The following NBPF9 variants were observed in gnomAD, a reference collection of about 807,000 sequenced individuals.
NBPF9 encodes the protein NBPF member 9.
NBPF9 carries 91 observed loss-of-function variants against 97.8 expected under a neutral mutation model. That is an observed-to-expected ratio of 0.93 (90% CI 0.79 to 1.11). The LOEUF is 1.11. NBPF9 is among the 50% of genes least tolerant of loss of function. The probability of loss-of-function intolerance (pLI) is 0.00; values close to 1 mark genes in which losing one functional copy is unlikely to be tolerated. For missense variants in NBPF9, 992 were observed against 939.5 expected (o/e 1.06, Z -0.73); for synonymous variants, 334 against 359.5 (o/e 0.93, Z 0.80).
chr1:149,099,605 A>G (rs1559547993), intron 3 of NBPF9, among the ~76,000 whole-genome samples: 1 of 150,588 alleles, frequency 6.6e-6, no homozygotes, highest in Non-Finnish European at 1.5e-5. Context: ...AATAATCATA[A>G]TAACAACAAT....
At chr1:149,103,201 C>T (rs1370851729) in intron 1 of NBPF9, 100 bp downstream of exon 1, 3 of 150,912 alleles carry the variant, frequency 2.0e-5, no homozygotes, top group Non-Finnish European at 3.0e-5. Flanking sequence ...CCTCGCCCTC[C>T]GTCGCTCGCA....
At chr1:149,081,561 G>A (rs797040993) in intron 7 of NBPF9, among the ~76,000 whole-genome samples, 6 of 151,976 alleles carry the variant, frequency 3.9e-5, no homozygotes, top group African/African-American at 1.2e-4. Context: ...TTGCCTCTTG[G>A]GCCTCAACGG....
At chr1:149,062,330 G>C in intron 21 of NBPF9, 65 bp from the exon 22 acceptor site, 1 of 615,926 alleles carries the variant, frequency 1.6e-6, no homozygotes, top group Non-Finnish European at 2.9e-6. Context: ...GCCCCAGCTA[G>C]ATTTCATGGC....
intron 3 of NBPF9, among the ~76,000 whole-genome samples, chr1:149,100,055 C>T (rs587677909): frequency 5.6e-5 from 8 of 144,076 alleles, no homozygotes; most frequent in African/African-American, 1.5e-4. Context: ...CATCATATCA[C>T]GTCGGCCCTT....
intron 5 of NBPF9, among the ~76,000 whole-genome samples, chr1:149,082,747 A>G (rs868945011): frequency 4.4e-4 from 65 of 148,464 alleles, no homozygotes; most frequent in Middle Eastern, 6.8e-3. Flanking sequence ...CATAAATAAA[A>G]AAATGGAATC....
intron 4 of NBPF9, among the ~76,000 whole-genome samples, chr1:149,096,009 A>G: frequency 6.6e-6 from 1 of 152,042 alleles, no homozygotes; most frequent in Middle Eastern, 3.4e-3. Flanking sequence ...TAGCCATACA[A>G]TGAAATCTGA....
chr1:149,071,000 C>T (rs782298719), exon 16 of NBPF9: 5 of 1,612,258 alleles, frequency 3.1e-6, no homozygotes, highest in Middle Eastern at 2.1e-4. Flanking sequence ...GTTGAGTCGA[C>T]TTTGTCTTCC....
chr1:149,068,025 C>A (rs2079142032), intron 17 of NBPF9, among the ~76,000 whole-genome samples: 1 of 146,192 alleles, frequency 6.8e-6, no homozygotes, highest in Non-Finnish European at 1.5e-5. Flanking sequence ...TCCAGCCAAA[C>A]AAAGCTTCAT....
At chr1:149,097,886 C>A (rs1353350976) in intron 4 of NBPF9, among the ~76,000 whole-genome samples, 2 of 152,056 alleles carry the variant, frequency 1.3e-5, no homozygotes, top group Non-Finnish European at 2.9e-5. Context: ...GAGATGGGAA[C>A]GGCCTTCAAA....
At chr1:149,069,791 T>A (rs782411450) in intron 16 of NBPF9, 146 bp from the exon 17 acceptor site, 13 of 595,008 alleles carry the variant, frequency 2.2e-5, no homozygotes, top group Admixed American at 9.0e-5. Context: ...GTGTCCTAGA[T>A]TAACTTTGGT....
intron 18 of NBPF9, chr1:149,064,911 A>C: frequency 1.9e-6 from 1 of 528,438 alleles, no homozygotes; most frequent in Non-Finnish European, 3.3e-6. Context: ...CTTGAGTCAA[A>C]ATGTAACTTG....
At position 149,064,956 on chromosome 1, in the gene NBPF9, G is replaced by C. The variant is rs587602753; in HGVS notation, c.1802-474C>G. ...AGTAGCATCAGCTATTATGGCTTTT[G>C]TGGGTGAAAAGTCAGCCATTTATCT... On this transcript the variant is annotated intron_variant, in intron 18 of 29. Transcript: ENST00000584027. 1,138 of 532,822 alleles carry C rather than the reference G, an allele frequency of 2.1e-3. 3 individuals are homozygous for C. Among genetic ancestry groups the C allele is most frequent in the Non-Finnish European group, 2.7e-3 (822 of 299,512 alleles). The allele number at this position is 532,822 out of a possible 1,614,324, so 33.0% of individuals were successfully genotyped here. A position where few individuals can be genotyped will look rare whatever the true frequency, so the allele number is the denominator to read the frequency against.
At position 149,075,680 on chromosome 1, in the gene NBPF9, G is replaced by T; in HGVS notation, c.963C>A (p.Phe321Leu). 2.5e-6 allele frequency: 4 copies of T among 1,610,706 alleles called. No individual in the cohort carries two copies. The South Asian group carries it at 4.4e-5, about 18-fold the overall frequency. The stretch of plus-strand genomic sequence containing the variant: ...TGTATTTGTTCTGCTGGTTGGCCAG[G>T]AAGCCGGCCAGTTGAGTTAGAAAAC... The change falls in exon 12 of 30, where the codon TTC becomes TTA. Residue 321 changes from phenylalanine to leucine, a missense_variant. Transcript: ENST00000584027.
intron 18 of NBPF9, chr1:149,064,914 G>A: frequency 1.9e-6 from 1 of 529,388 alleles, no homozygotes; most frequent in South Asian, 2.2e-5. Flanking sequence ...GAGTCAAAAT[G>A]TAACTTGGTT....
intron 11 of NBPF9, among the ~76,000 whole-genome samples, chr1:149,076,505 A>ATT (rs587753430): frequency 2.4e-5 from 3 of 122,942 alleles, no homozygotes; most frequent in Admixed American, 8.2e-5. Context: ...CAGAGACTTT[A>ATT]TTTTTTTTTT....
intron 12 of NBPF9, among the ~76,000 whole-genome samples, chr1:149,074,184 C>G (rs4125380): frequency 6.6e-6 from 1 of 151,490 alleles, no homozygotes; most frequent in Non-Finnish European, 1.5e-5. Context: ...CTTTCCCAAG[C>G]TTTGCAGCCT....
At chr1:149,076,544 C>T (rs1450015653) in intron 11 of NBPF9, among the ~76,000 whole-genome samples, 1 of 148,052 alleles carries the variant, frequency 6.8e-6, no homozygotes, top group African/African-American at 2.5e-5. Flanking sequence ...GCTCTGTCTC[C>T]CAGGCTGGAG....
chr1:149,068,312 G>A (rs1553652209), intron 17 of NBPF9, among the ~76,000 whole-genome samples: 5 of 150,942 alleles, frequency 3.3e-5, no homozygotes, highest in African/African-American at 1.2e-4. Flanking sequence ...AAATGCCCCA[G>A]TTAAAAAACA....
chr1:149,069,708 C>A lies in NBPF9; in HGVS notation c.1586-63G>T, dbSNP rs1575834919. On this transcript the variant is annotated intron_variant, in intron 16 of 29. Coordinates refer to ENST00000584027, the Ensembl canonical transcript of NBPF9. ...ATTCATACTTCACATATGAACAAAT[C>A]ACTGTCCAGTCATAGCCAAGGACAT... is the stretch of plus-strand genomic sequence containing the variant. 12 of 869,948 alleles carry A rather than the reference C, an allele frequency of 1.4e-5. No individual in the cohort carries two copies. The East Asian group carries it at 2.7e-4, about 19-fold the overall frequency. The allele number at this position is 869,948 out of a possible 1,614,324, so 53.9% of individuals were successfully genotyped here. A position where few individuals can be genotyped will look rare whatever the true frequency, so the allele number is the denominator to read the frequency against.
Sources: allele counts gnomAD v4.1 joint callset (sites outside exome capture counted in the v4.1 genomes callset), GRCh38; gene constraint gnomAD v4.1.1; transcripts MANE v1.5; gene names NCBI Gene and HGNC (gene_info 2026-07-23, HGNC 2026-07-21).